The following ZNF407 variants were observed in gnomAD, a reference collection of about 807,000 sequenced individuals.
The protein encoded by ZNF407 is zinc finger protein 407.
In ZNF407, 17 loss-of-function variants were observed where a neutral mutation model predicts 131.2. The ratio of observed to expected loss-of-function variants is 0.13; its 90% CI spans 0.09 to 0.19. ZNF407 has a LOEUF of 0.19. Ranked by LOEUF, ZNF407 falls within the 10% of genes least tolerant of loss-of-function variation. The pLI is 1.00. For synonymous variants in ZNF407, 1,156 were observed against 1,062.0 expected (o/e 1.09, Z -1.72); for missense variants, 2,681 against 2,830.6 (o/e 0.95, Z 1.20).
chr18:74,925,618 C>T (rs116439136), intron 8 of ZNF407, among the ~76,000 whole-genome samples: 1,585 of 152,238 alleles, frequency 0.01, 28 homozygotes, highest in African/African-American at 0.035. Context: ...ATTTTTAACC[C>T]GGTTGCTTTC....
intron 8 of ZNF407, among the ~76,000 whole-genome samples, chr18:74,991,027 A>G (rs942895925): frequency 1.3e-5 from 2 of 152,164 alleles, no homozygotes; most frequent in Non-Finnish European, 2.9e-5. Context: ...AAAAACTGGC[A>G]TACACCCAGG....
At chr18:74,615,381 T>G (rs1983241779) in intron 1 of ZNF407, among the ~76,000 whole-genome samples, 2 of 152,200 alleles carry the variant, frequency 1.3e-5, no homozygotes, top group Admixed American at 6.5e-5. Context: ...GGCGCACGCC[T>G]GTAGTCCCAG....
intron 8 of ZNF407, among the ~76,000 whole-genome samples, chr18:75,001,135 G>A (rs966633): frequency 0.17 from 25,209 of 152,112 alleles, 2,276 homozygotes; most frequent in Admixed American, 0.28. Context: ...CGCAGTGTTT[G>A]TTTCTCCAGG....
chr18:74,903,545 A>C (rs1971557087), intron 7 of ZNF407, among the ~76,000 whole-genome samples: 1 of 6,492 alleles, frequency 1.5e-4, no homozygotes. Context: ...TTCCTTAAAG[A>C]TCTTTTTTTT....
chr18:74,999,660 G>T (rs544629911), intron 8 of ZNF407, among the ~76,000 whole-genome samples: 5 of 152,314 alleles, frequency 3.3e-5, no homozygotes, highest in African/African-American at 1.2e-4. Flanking sequence ...TAGTGTAAAA[G>T]AGAATGATTC....
chr18:74,679,676 TC>T (rs1966935102), intron 3 of ZNF407, among the ~76,000 whole-genome samples: 1 of 152,210 alleles, frequency 6.6e-6, no homozygotes, highest in Non-Finnish European at 1.5e-5. Flanking sequence ...TGATAGTTTT[TC>T]CTCACACACA....
In ZNF407 at chr18:74,720,927, C is replaced by CTT. The variant is rs34746909; in HGVS notation, c.4803-60490_4803-60489dup. Reference sequence around the variant, plus strand: ...AAGTCTGGTAGTGCGATACCTTCAGCTTTTTTTTTTTTCTTTTTCTTTTTC... The same window carrying CTT: ...AAGTCTGGTAGTGCGATACCTTCAGCTTTTTTTTTTTTTTCTTTTTCTTTTTC... On this transcript the variant is annotated intron_variant, in intron 3 of 8. Coordinates refer to ENST00000299687, the MANE Select transcript of ZNF407 (RefSeq NM_017757.3). Among the ~76,000 whole-genome samples the CTT allele has an allele frequency of 2.2e-3, 314 of 143,456 alleles. 1 individual carries two copies. Among genetic ancestry groups the CTT allele is most frequent in the Non-Finnish European group, 3.1e-3 (205 of 65,588 alleles). 94.1% of individuals were successfully genotyped at this position (143,456 alleles called of 152,430 possible). A position where few individuals can be genotyped will look rare whatever the true frequency, so the allele number is the denominator to read the frequency against.
chr18:74,995,674 G>A (rs1367968443), intron 8 of ZNF407, among the ~76,000 whole-genome samples: 1 of 152,118 alleles, frequency 6.6e-6, no homozygotes, highest in East Asian at 1.9e-4. Context: ...GCTTTGGTGG[G>A]AGAGGCAGAA....
intron 8 of ZNF407, among the ~76,000 whole-genome samples, chr18:74,972,509 C>T (rs541658520): frequency 6.6e-6 from 1 of 152,230 alleles, no homozygotes; most frequent in Non-Finnish European, 1.5e-5. Flanking sequence ...CTTTCTTTCA[C>T]TCCCTGCTTT....
Position 74,635,115 on chromosome 18 carries a change from C to T in ZNF407, c.4096C>T (p.Pro1366Ser). The T allele has an allele frequency of 6.2e-7, 1 of 1,613,714 alleles. No homozygotes were observed. The highest frequency in any genetic ancestry group is 1.1e-5 in the South Asian group (1 of 91,058). Residue 1366 changes from proline to serine, a missense_variant, in exon 2 of 9, where the codon CCT becomes TCT. Pro to Ser is a moderately conservative substitution (Grantham distance 74). Around this residue, in one of 6 missense-constraint regions of ZNF407, gnomAD observed 1,789 missense variants for 1,748.7 expected, o/e 1.02. Transcript: ENST00000299687. The surrounding 1 kb of genome is among the most constrained non-coding windows in gnomAD (Gnocchi z 4.7). ...FDSSIIRIKN[P>S]EDGELIDQSE... ...CTCCTCCATAATAAGAATAAAGAAC[C>T]CTGAAGATGGTGAGTTGATAGACCA... is the stretch of plus-strand genomic sequence containing the variant.
In ZNF407 at chr18:75,063,231, C is replaced by T. The variant is rs988107151; in HGVS notation, c.5510C>T (p.Ala1837Val). 14 of 1,613,320 alleles carry T rather than the reference C, an allele frequency of 8.7e-6. No homozygotes were observed. Among genetic ancestry groups the T allele is most frequent in the African/African-American group, 2.7e-5 (2 of 74,906 alleles). ...GAGACAGACAGCCCCTTCACCGCGG[C>T]GGCCTTGGCAGAAGAGCCCCTCGTC... ...FVETDSPFTA[A>V]ALAEEPLVKE... Residue 1837 changes from alanine to valine, a missense_variant, in exon 9 of 9, where the codon GCG becomes GTG. Coordinates refer to ENST00000299687, the MANE Select transcript of ZNF407 (RefSeq NM_017757.3). This position sits in a 1 kb window ranked among gnomAD's most constrained non-coding sequence, Gnocchi z 6.6.
At chr18:74,699,498 G>A (rs898678591) in intron 3 of ZNF407, among the ~76,000 whole-genome samples, 1 of 152,156 alleles carries the variant, frequency 6.6e-6, no homozygotes, top group African/African-American at 2.4e-5. Flanking sequence ...ATTTTAGACA[G>A]TTTTGAGACT....
intron 4 of ZNF407, among the ~76,000 whole-genome samples, chr18:74,797,814 T>A (rs2145063197): frequency 7.6e-6 from 1 of 132,244 alleles, no homozygotes; most frequent in African/African-American, 3.1e-5. Flanking sequence ...CTGCAAGGCA[T>A]TTTTTTTTTT....
chr18:74,761,067 A>G (rs1453732744), intron 3 of ZNF407, among the ~76,000 whole-genome samples: 1 of 152,228 alleles, frequency 6.6e-6, no homozygotes, highest in African/African-American at 2.4e-5. Context: ...AAAATGCATT[A>G]GACTTCCAAT....
At chr18:74,952,642 T>C (rs1972228508) in intron 8 of ZNF407, among the ~76,000 whole-genome samples, 1 of 152,164 alleles carries the variant, frequency 6.6e-6, no homozygotes, top group African/African-American at 2.4e-5. Flanking sequence ...TTAGGGAAAA[T>C]CTCTCTTAAG....
intron 8 of ZNF407, among the ~76,000 whole-genome samples, chr18:74,978,956 G>A (rs549496184): frequency 2.6e-5 from 4 of 152,238 alleles, no homozygotes; most frequent in East Asian, 1.9e-4. Context: ...GGCTGTGGGC[G>A]GCAAATGAGA....
At chr18:74,644,585 C>A (rs1338739016) in intron 3 of ZNF407, among the ~76,000 whole-genome samples, 1 of 151,720 alleles carries the variant, frequency 6.6e-6, no homozygotes, top group Non-Finnish European at 1.5e-5. Context: ...AGGTAGTATA[C>A]CTGGTACTCT....
intron 8 of ZNF407, among the ~76,000 whole-genome samples, chr18:75,040,493 C>G (rs756213551): frequency 6.6e-6 from 1 of 152,132 alleles, no homozygotes; most frequent in African/African-American, 2.4e-5. Context: ...TTCTTAATAT[C>G]TTGTCAGTGT....
chr18:74,968,254 A>G (rs555467632), intron 8 of ZNF407, among the ~76,000 whole-genome samples: 2 of 152,276 alleles, frequency 1.3e-5, no homozygotes, highest in Admixed American at 1.3e-4. Context: ...AGGTATGGAA[A>G]TCTCACTTCC....
Sources: gnomAD v4.1 joint callset for allele counts (sites outside exome capture counted in the v4.1 genomes callset) on GRCh38, gnomAD v4.1.1 for gene constraint, gnomAD v4.1.1 regional missense constraint, Gnocchi (gnomAD v3.1) non-coding constraint, MANE v1.5 for transcripts, NCBI Gene and HGNC (gene_info 2026-07-23, HGNC 2026-07-21) for gene names.